GEM: variants seen among roughly 807,000 people sequenced by gnomAD.
The protein encoded by GEM is GTP binding protein overexpressed in skeletal muscle.
A neutral mutation model predicts 33.0 loss-of-function variants in GEM; 31 were observed. That is an observed-to-expected ratio of 0.94 (90% CI 0.71 to 1.27). The LOEUF (loss-of-function observed/expected upper bound fraction) is 1.27, where lower values mean the gene tolerates loss of function less well. Ranked by LOEUF, GEM falls within the 50% of genes most tolerant of loss-of-function variation. The pLI is 0.00. For synonymous variants in GEM, 141 were observed against 143.7 expected (o/e 0.98, Z 0.13); for missense variants, 354 against 390.5 (o/e 0.91, Z 0.79).
chr8:94,250,026 C>T lies in GEM; in HGVS notation c.*284G>A, dbSNP rs1808725225. 2.7e-6 allele frequency: 1 copy of T among 365,432 alleles called. No individual in the cohort carries two copies. The highest frequency in any genetic ancestry group is 4.7e-5 in the East Asian group (1 of 21,262). The allele number at this position is 365,432 out of a possible 1,614,324, so 22.6% of individuals were successfully genotyped here. On this transcript the variant is annotated 3_prime_UTR_variant, in exon 5 of 5. Transcript: ENST00000297596. ...GGCATTCTTTGTAAGCTTTACTTCT[C>T]TACTATCCAAAATAGAAGAAACACA... is the stretch of plus-strand genomic sequence containing the variant.
chr8:94,258,388 T>C (rs572964520), intron 2 of GEM, among the ~76,000 whole-genome samples: 11 of 152,336 alleles, frequency 7.2e-5, no homozygotes, highest in African/African-American at 2.6e-4. Flanking sequence ...CTCTGCAACA[T>C]AGCAACTAAC....
rs1233344841 is a variant in GEM at position 94,251,923 on chromosome 8, G to GA, written c.613+95dup. The GA allele has an allele frequency of 1.8e-5, 17 of 934,028 alleles. No homozygotes were observed. The East Asian group carries it at 4.1e-4, about 22-fold the overall frequency. 57.9% of individuals were successfully genotyped at this position (934,028 alleles called of 1,614,324 possible). A position where few individuals can be genotyped will look rare whatever the true frequency, so the allele number is the denominator to read the frequency against. On this transcript the variant is annotated intron_variant, in intron 4 of 4. Transcript: ENST00000297596. ...CATATAGCATCTTAATGAGTTCCTA[G>GA]ATCCAGCCTCGTGGAAGGAGGGAAG... is the stretch of plus-strand genomic sequence containing the variant.
rs1286872894 is a variant in GEM, at chr8:94,250,133, T to A, written c.*177A>T. On this transcript the variant is annotated 3_prime_UTR_variant, in exon 5 of 5. Coordinates refer to ENST00000297596, the MANE Select transcript of GEM (RefSeq NM_005261.4). The stretch of plus-strand genomic sequence containing the variant: ...GCTTTTCCTGGAAATAAATACTGAC[T>A]TTTTACAAAAATCTTTCATTTCCCA... 11 of 601,186 alleles carry A rather than the reference T, an allele frequency of 1.8e-5. No individual in the cohort carries two copies. In the Admixed American group the frequency reaches 3.5e-4, roughly 19 times the overall value. 37.2% of individuals were successfully genotyped at this position (601,186 alleles called of 1,614,324 possible).
rs1271756219 is a variant in GEM, at chr8:94,253,857, C to A, written c.332-745G>T. On this transcript the variant is annotated intron_variant, in intron 2 of 4. Transcript: ENST00000297596. ...TCCAGCCTGGAAAATCCATGGGGGG[C>A]AGGCGTAGAAAAGGGGTACAGTGGG... Among the ~76,000 whole-genome samples, 4 of 152,140 alleles carry A rather than the reference C, an allele frequency of 2.6e-5. No homozygotes were observed. In the East Asian group the frequency reaches 7.7e-4, roughly 29 times the overall value.
chr8:94,261,150 AG>A (rs983650113), intron 1 of GEM, among the ~76,000 whole-genome samples: 11 of 151,986 alleles, frequency 7.2e-5, no homozygotes, highest in African/African-American at 2.2e-4. Flanking sequence ...TATTGGGGGT[AG>A]GGGGGAAATT....
At chr8:94,250,695 G>T in intron 4 of GEM, 108 bp from the exon 5 acceptor site, 1 of 830,960 alleles carries the variant, frequency 1.2e-6, no homozygotes, top group Non-Finnish European at 1.8e-6. Flanking sequence ...TGTATATGCA[G>T]TGGATAGAGG....
chr8:94,252,711 T>A (rs1808805361), intron 3 of GEM, among the ~76,000 whole-genome samples: 1 of 152,204 alleles, frequency 6.6e-6, no homozygotes, highest in Non-Finnish European at 1.5e-5. Flanking sequence ...GTATTGAGAA[T>A]CTCAACTTCA....
Position 94,260,268 on chromosome 8 carries a change from A to G in GEM, c.236T>C (p.Val79Ala), listed in dbSNP as rs1808985561. ...GCCCACCCCCTGCTCCCCTATGAGC[A>G]CCACTCGGTAGTAGGTGTTCCCTGA... ...SESGNTYYRV[V>A]LIGEQGVGKS... Residue 79 changes from valine (V) to alanine (A), a missense_variant, in exon 2 of 5, where the codon GTG becomes GCG. Transcript: ENST00000297596. The G allele has an allele frequency of 6.2e-7, 1 of 1,613,964 alleles. No homozygotes were observed. The highest frequency in any genetic ancestry group is 8.5e-7 in the Non-Finnish European group (1 of 1,179,924).
intron 4 of GEM, 112 bp from the exon 5 acceptor site, chr8:94,250,699 A>C (rs1808751078): frequency 1.2e-6 from 1 of 812,330 alleles, no homozygotes; most frequent in Non-Finnish European, 1.9e-6. Flanking sequence ...TATGCAGTGG[A>C]TAGAGGATGC....
Position 94,250,375 on chromosome 8 carries a change from T to C in GEM, c.826A>G (p.Lys276Glu). 2 of 1,614,196 alleles carry C rather than the reference T, an allele frequency of 1.2e-6. No individual in the cohort carries two copies. The highest frequency in any genetic ancestry group is 1.7e-6 in the Non-Finnish European group (2 of 1,180,014). Reference sequence around the variant, plus strand: ...TTGAAGGCCATATTCTTGTTGTTTTTGGCCACGATCTTGCCCCAGAAGCGC... The same window carrying C: ...TTGAAGGCCATATTCTTGTTGTTTTCGGCCACGATCTTGCCCCAGAAGCGC... ...ARRFWGKIVA[K>E]NNKNMAFKLK... The change falls in exon 5 of 5, where the codon AAA becomes GAA. Residue 276 changes from lysine to glutamate, a missense_variant. By Grantham distance (56) the Lys-to-Glu change is moderately conservative (BLOSUM62 1). Coordinates refer to ENST00000297596, the MANE Select transcript of GEM (RefSeq NM_005261.4).
chr8:94,250,327 C>A lies in GEM; in HGVS notation c.874G>T (p.Asp292Tyr), dbSNP rs769356943. ...AFKLKSKSCHDLSVL is the reference protein window; with the variant it reads ...AFKLKSKSCHYLSVL ...CTGGGTTCCTAGAGTACAGAGAGGT[C>A]ATGGCAGGATTTGGACTTGAGCTTG... Residue 292 changes from aspartate to tyrosine, a missense_variant, in exon 5 of 5, where the codon GAC becomes TAC. Transcript: ENST00000297596. 3.7e-6 allele frequency: 6 copies of A among 1,613,678 alleles called. No individual in the cohort carries two copies. The highest frequency in any genetic ancestry group is 1.1e-5 in the South Asian group (1 of 91,008).
Position 94,260,514 on chromosome 8 carries a change from T to C in GEM, c.-9-2A>G, listed in dbSNP as rs775108161. 1.3e-5 allele frequency: 21 copies of C among 1,569,382 alleles called. No homozygotes were observed. Among genetic ancestry groups the C allele is most frequent in the Non-Finnish European group, 1.7e-5 (20 of 1,150,776 alleles). On this transcript the variant is annotated splice_acceptor_variant, in intron 1 of 4. Transcript: ENST00000297596. LOFTEE classifies it low-confidence loss of function (5UTR_SPLICE). ...ATTATTCAGAGTCATCGTTGAGTCC[T>C]GGGGAGCAAAGCAGCCAAGATGGCA...
In GEM at chr8:94,249,713, AATTCTAT is replaced by A. The variant is rs1448528601; in HGVS notation, c.*590_*596del. On this transcript the variant is annotated 3_prime_UTR_variant, in exon 5 of 5. Transcript: ENST00000297596. ...ATAAGGGACACATGTATCAGTTCCC[AATTCTAT>A]ATGTCTTGGTGGGCATTGAACAAAA... The A allele has an allele frequency of 2.0e-5, 3 of 152,112 alleles. No individual in the cohort carries two copies. Among genetic ancestry groups the A allele is most frequent in the African/African-American group, 7.2e-5 (3 of 41,412 alleles). 9.4% of individuals were successfully genotyped at this position (152,112 alleles called of 1,614,324 possible). A position where few individuals can be genotyped will look rare whatever the true frequency, so the allele number is the denominator to read the frequency against.
intron 2 of GEM, among the ~76,000 whole-genome samples, chr8:94,257,412 C>T (rs187015569): frequency 1.4e-3 from 219 of 152,212 alleles, no homozygotes; most frequent in Admixed American, 4.3e-3. Context: ...GGACTCCTGA[C>T]CTCAGGTGAT....
At chr8:94,258,893 G>A (rs1042381012) in intron 2 of GEM, among the ~76,000 whole-genome samples, 1 of 152,142 alleles carries the variant, frequency 6.6e-6, no homozygotes, top group African/African-American at 2.4e-5. Flanking sequence ...ACTTTGTGAA[G>A]ACCAAAATAA....
In GEM at chr8:94,250,018, T is replaced by TTTGA; in HGVS notation, c.*291_*292insTCAA. ...TTGTTCTAGGCATTCTTTGTAAGCTTTACTTCTCTACTATCCAAAATAGAA... is the reference window on the plus strand; with the variant it reads ...TTGTTCTAGGCATTCTTTGTAAGCTTTTGATACTTCTCTACTATCCAAAATAGAA... On this transcript the variant is annotated 3_prime_UTR_variant, in exon 5 of 5. Transcript: ENST00000297596. 3.0e-6 allele frequency: 1 copy of TTTGA among 329,036 alleles called. No individual in the cohort carries two copies. Among genetic ancestry groups the TTTGA allele is most frequent in the Non-Finnish European group, 5.5e-6 (1 of 183,344 alleles). 20.4% of individuals were successfully genotyped at this position (329,036 alleles called of 1,614,324 possible).
intron 1 of GEM, among the ~76,000 whole-genome samples, chr8:94,261,046 C>G (rs532603381): frequency 2.8e-4 from 42 of 152,308 alleles, no homozygotes; most frequent in Admixed American, 6.5e-4. Flanking sequence ...CCACTGCAAC[C>G]CTGGCTGGAC....
chr8:94,256,956 T>G (rs544407212), intron 2 of GEM, among the ~76,000 whole-genome samples: 51 of 152,210 alleles, frequency 3.4e-4, no homozygotes, highest in African/African-American at 1.2e-3. Context: ...CTAAGTGGCT[T>G]GTCCAAGAGC....
At chr8:94,250,648 C>A in intron 4 of GEM, 61 bp from the exon 5 acceptor site, 2 of 1,406,460 alleles carry the variant, frequency 1.4e-6, no homozygotes, top group South Asian at 1.3e-5. Context: ...AGCACACAGT[C>A]AAGCTGGATG....
Sources: allele counts gnomAD v4.1 joint callset (sites outside exome capture counted in the v4.1 genomes callset), GRCh38; gene constraint gnomAD v4.1.1; transcripts MANE v1.5; gene names NCBI Gene and HGNC (gene_info 2026-07-23, HGNC 2026-07-21).